DCLRE1B: variants seen among roughly 807,000 people sequenced by gnomAD.
The protein encoded by DCLRE1B is DNA cross-link repair 1B.
In DCLRE1B, 6 loss-of-function variants were observed where a neutral mutation model predicts 19.8. That is an observed-to-expected ratio of 0.30 (90% CI 0.17 to 0.60). The LOEUF is 0.60. Ranked by LOEUF, DCLRE1B falls within the 20% of genes least tolerant of loss-of-function variation. The probability of loss-of-function intolerance (pLI) is 0.87; values close to 1 mark genes in which losing one functional copy is unlikely to be tolerated. For missense variants in DCLRE1B, 622 were observed against 654.2 expected (o/e 0.95, Z 0.54); for synonymous variants, 258 against 255.7 (o/e 1.01, Z -0.09).
chr1:113,913,984 T>TATTTGTATATACTC lies in DCLRE1B; in HGVS notation c.*1794_*1795insTTTGTATATACTCA, dbSNP rs1669358666. 6.6e-6 allele frequency: 1 copy of TATTTGTATATACTC among 152,248 alleles called. No individual in the cohort carries two copies. Among genetic ancestry groups the TATTTGTATATACTC allele is most frequent in the Non-Finnish European group, 1.5e-5 (1 of 68,038 alleles). The allele number at this position is 152,248 out of a possible 1,614,324, so 9.4% of individuals were successfully genotyped here. On this transcript the variant is annotated 3_prime_UTR_variant, in exon 4 of 4. Transcript: ENST00000650450. ...AATGCCATTTTTAATATTTGTATAA[T>TATTTGTATATACTC]ACCCTATCATGTGAGTATACCTTAA...
Position 113,907,055 on chromosome 1 carries a change from T to C in DCLRE1B, c.249T>C (p.Asp83=), listed in dbSNP as rs1176251774. The C allele has an allele frequency of 1.2e-6, 2 of 1,613,912 alleles. No individual in the cohort carries two copies. ...EVGESHVLPL[D]EIGQETMTVT... ...GTGAGAGCCATGTATTACCCCTAGA[T>C]GAAATTGGACAAGAGACCATGACCG... Residue 83 remains aspartate, a synonymous_variant, in exon 2 of 4, where the codon GAT becomes GAC. Coordinates refer to ENST00000650450, the MANE Select transcript of DCLRE1B (RefSeq NM_022836.4).
At position 113,905,780 on chromosome 1, in the gene DCLRE1B, GGGGCTGGAGTCGGTCTCCGA is replaced by G; in HGVS notation, c.189+7_189+26del. 6.2e-7 allele frequency: 1 copy of G among 1,607,168 alleles called. No individual in the cohort carries two copies. The highest frequency in any genetic ancestry group is 8.5e-7 in the Non-Finnish European group (1 of 1,175,408). On this transcript the variant is annotated splice_donor_region_variant and intron_variant, in intron 1 of 3. Coordinates refer to ENST00000650450, the MANE Select transcript of DCLRE1B (RefSeq NM_022836.4). ...CTCTTGCATCGTCACCTACAGGTAT[GGGGCTGGAGTCGGTCTCCGA>G]GAGCTGGTCCAGGCATCTGGGTTGG...
intron 1 of DCLRE1B, among the ~76,000 whole-genome samples, chr1:113,906,205 C>T (rs770754061): frequency 2.0e-5 from 3 of 151,606 alleles, no homozygotes; most frequent in Non-Finnish European, 4.4e-5. Flanking sequence ...TACAGGCGCA[C>T]GCCACCACGC....
chr1:113,906,882 C>A, intron 1 of DCLRE1B, 114 bp from the exon 2 acceptor site: 1 of 1,164,004 alleles, frequency 8.6e-7, no homozygotes, highest in Non-Finnish European at 1.2e-6. Flanking sequence ...AGCTTCTGCT[C>A]CCGGTGGCTC....
intron 3 of DCLRE1B, 85 bp downstream of exon 3, chr1:113,908,276 G>A (rs990368510): frequency 1.6e-5 from 25 of 1,526,540 alleles, no homozygotes; most frequent in Non-Finnish European, 6.2e-6. Context: ...AGATCTTTGT[G>A]CAGTTCTCAC....
chr1:113,907,443 C>A lies in DCLRE1B; in HGVS notation c.355+282C>A, dbSNP rs183361339. ...TCATCACATATGAGCATAGTGACCC[C>A]ATCTCAACTGATTTCCCACTGTTTT... is the stretch of plus-strand genomic sequence containing the variant. On this transcript the variant is annotated intron_variant, in intron 2 of 3. Coordinates refer to ENST00000650450, the MANE Select transcript of DCLRE1B (RefSeq NM_022836.4). 4.3e-4 allele frequency among the ~76,000 whole-genome samples: 65 copies of A among 151,940 alleles called. 2 individuals are homozygous for A. Among genetic ancestry groups the A allele is most frequent in the Admixed American group, 4.0e-3 (61 of 15,266 alleles).
At chr1:113,907,963 A>C in intron 2 of DCLRE1B, 46 bp from the exon 3 acceptor site, 1 of 1,570,050 alleles carries the variant, frequency 6.4e-7, no homozygotes, top group South Asian at 1.2e-5. Flanking sequence ...CTTGTCTTCT[A>C]TTCTTTTGTC....
At chr1:113,904,667 C>A (rs751238041), upstream of DCLRE1B, 3 of 1,613,256 alleles carry the variant, frequency 1.9e-6, no homozygotes, top group Admixed American at 3.3e-5. Flanking sequence ...GAGGATTGCA[C>A]AGAGCCTTCT....
intron 1 of DCLRE1B, 121 bp downstream of exon 1, chr1:113,905,896 C>A: frequency 2.6e-6 from 3 of 1,157,190 alleles, no homozygotes; most frequent in Non-Finnish European, 1.2e-6. Flanking sequence ...TGTTTGAACC[C>A]AAAAATGCAT....
At chr1:113,908,409 A>G (rs1351086400) in intron 3 of DCLRE1B, among the ~76,000 whole-genome samples, 2 of 152,188 alleles carry the variant, frequency 1.3e-5, no homozygotes, top group East Asian at 3.9e-4. Context: ...GGCGTTTGAG[A>G]CCAGCTTGGG....
rs1490779180 is a variant in DCLRE1B at position 113,913,667 on chromosome 1, T to G, written c.*1476T>G. 2 of 152,714 alleles carry G rather than the reference T, an allele frequency of 1.3e-5. No individual in the cohort carries two copies. Among genetic ancestry groups the G allele is most frequent in the Non-Finnish European group, 2.9e-5 (2 of 68,032 alleles). The allele number at this position is 152,714 out of a possible 1,614,324, so 9.5% of individuals were successfully genotyped here. A position where few individuals can be genotyped will look rare whatever the true frequency, so the allele number is the denominator to read the frequency against. ...GAATAATTGGTAAAATTCTCCTAGC[T>G]CAGTGACTGCCACAGGATGGGTCTT... is the stretch of plus-strand genomic sequence containing the variant. On this transcript the variant is annotated 3_prime_UTR_variant, in exon 4 of 4. Coordinates refer to ENST00000650450, the MANE Select transcript of DCLRE1B (RefSeq NM_022836.4).
At chr1:113,909,621 C>T (rs1242200219) in intron 3 of DCLRE1B, among the ~76,000 whole-genome samples, 6 of 152,180 alleles carry the variant, frequency 3.9e-5, no homozygotes, top group Non-Finnish European at 8.8e-5. Context: ...TTATAAAGAC[C>T]TAACCATTCT....
In DCLRE1B at chr1:113,913,412, G is replaced by A. The variant is rs576212368; in HGVS notation, c.*1221G>A. On this transcript the variant is annotated 3_prime_UTR_variant, in exon 4 of 4. Transcript: ENST00000650450. ...GAAATAGAGAGTTTAGAAAGCAATT[G>A]CTCTTGGGAAAGCTATACACAGCTC... The A allele has an allele frequency of 2.7e-4, 41 of 152,852 alleles. No homozygotes were observed. The highest frequency in any genetic ancestry group is 9.9e-4 in the African/African-American group (41 of 41,550). 9.5% of individuals were successfully genotyped at this position (152,852 alleles called of 1,614,324 possible).
In DCLRE1B at chr1:113,911,275, G is replaced by A. The variant is rs770126449; in HGVS notation, c.683G>A (p.Arg228His). 18 of 1,613,974 alleles carry A rather than the reference G, an allele frequency of 1.1e-5. 1 individual carries two copies. Among genetic ancestry groups the A allele is most frequent in the Middle Eastern group, 1.6e-4 (1 of 6,084 alleles). ...TTCACAGTGGAGGAGAAGGCTGGCC[G>A]CATCCATGCAGTAGACCATATGGAG... ...DVFTVEEKAGRIHAVDHMEIC... is the reference protein window; with the variant it reads ...DVFTVEEKAGHIHAVDHMEIC... Residue 228 changes from arginine (R) to histidine (H), a missense_variant, in exon 4 of 4, where the codon CGC becomes CAC. By Grantham distance (29) the Arg-to-His change is conservative (BLOSUM62 0). This residue lies in a region of DCLRE1B where 382 missense variants were observed against 412.5 expected (regional missense o/e 0.93). Coordinates refer to ENST00000650450, the MANE Select transcript of DCLRE1B (RefSeq NM_022836.4).
At position 113,912,560 on chromosome 1, in the gene DCLRE1B, GTC is replaced by G. The variant is rs1669305691; in HGVS notation, c.*371_*372del. The G allele has an allele frequency of 6.0e-6, 1 of 167,960 alleles. No homozygotes were observed. The highest frequency in any genetic ancestry group is 1.3e-5 in the Non-Finnish European group (1 of 78,558). The allele number at this position is 167,960 out of a possible 1,614,324, so 10.4% of individuals were successfully genotyped here. A position where few individuals can be genotyped will look rare whatever the true frequency, so the allele number is the denominator to read the frequency against. The stretch of plus-strand genomic sequence containing the variant: ...ATGTGGGTACAGAAAGAGGTAAAGA[GTC>G]TGAATCAAAAAGGACCAGGTTATTG... On this transcript the variant is annotated 3_prime_UTR_variant, in exon 4 of 4. Coordinates refer to ENST00000650450, the MANE Select transcript of DCLRE1B (RefSeq NM_022836.4).
At chr1:113,908,733 A>C (rs1448769388) in intron 3 of DCLRE1B, among the ~76,000 whole-genome samples, 1 of 152,196 alleles carries the variant, frequency 6.6e-6, no homozygotes, top group Non-Finnish European at 1.5e-5. Flanking sequence ...TATACTATAT[A>C]TATTTTTAAA....
At position 113,907,204 on chromosome 1, in the gene DCLRE1B, GTTTTTTTTTTT is replaced by G. The variant is rs71090746; in HGVS notation, c.355+63_355+73del. Reference sequence around the variant, plus strand: ...TCCCAGTGACTTCTCCAGACTAGATGTTTTTTTTTTTTTTTTTTTTTTTTTTTTTTAATGTA... The same window carrying G: ...TCCCAGTGACTTCTCCAGACTAGATGTTTTTTTTTTTTTTTTTTTAATGTA... On this transcript the variant is annotated intron_variant, in intron 2 of 3. Coordinates refer to ENST00000650450, the MANE Select transcript of DCLRE1B (RefSeq NM_022836.4). The G allele has an allele frequency of 4.1e-4, 204 of 492,538 alleles. 3 individuals carry two copies. Among genetic ancestry groups the G allele is most frequent in the African/African-American group, 9.3e-4 (16 of 17,232 alleles). The allele number at this position is 492,538 out of a possible 1,614,324, so 30.5% of individuals were successfully genotyped here. A position where few individuals can be genotyped will look rare whatever the true frequency, so the allele number is the denominator to read the frequency against.
At position 113,911,341 on chromosome 1, in the gene DCLRE1B, C is replaced by G. The variant is rs1669245425; in HGVS notation, c.749C>G (p.Pro250Arg). 5 of 1,614,054 alleles carry G rather than the reference C, an allele frequency of 3.1e-6. No homozygotes were observed. Among genetic ancestry groups the G allele is most frequent in the Non-Finnish European group, 2.5e-6 (3 of 1,180,048 alleles). ...ATGCTGCGTTGGAACCAGACCCACCCTACGATTGCTATCCTTCCCACAAGC... is the reference window on the plus strand; with the variant it reads ...ATGCTGCGTTGGAACCAGACCCACCGTACGATTGCTATCCTTCCCACAAGC... ...SNMLRWNQTH[P>R]TIAILPTSRK... The change falls in exon 4 of 4, where the codon CCT becomes CGT. Residue 250 changes from proline to arginine, a missense_variant. Around this residue, in one of 3 missense-constraint regions of DCLRE1B, gnomAD observed 382 missense variants for 412.5 expected, o/e 0.93. Transcript: ENST00000650450.
rs1669265407 is a variant in DCLRE1B at position 113,911,642 on chromosome 1, A to G, written c.1050A>G (p.Gln350=). 1 of 1,604,944 alleles carries G rather than the reference A, an allele frequency of 6.2e-7. No individual in the cohort carries two copies. The highest frequency in any genetic ancestry group is 1.7e-5 in the Admixed American group (1 of 58,606). Residue 350 remains glutamine, a synonymous_variant, in exon 4 of 4, where the codon CAA becomes CAG. Coordinates refer to ENST00000650450, the MANE Select transcript of DCLRE1B (RefSeq NM_022836.4). Reference sequence around the variant, plus strand: ...GGAGGCTAAAGAGGCCGAGAACCCAAGGTGTTGTGTTTGAATCCCCTGAGG... The same window carrying G: ...GGAGGCTAAAGAGGCCGAGAACCCAGGGTGTTGTGTTTGAATCCCCTGAGG... ...LERRLKRPRT[Q]GVVFESPEES... is the part of the protein sequence containing the mutation.
Sources: gnomAD v4.1 joint callset for allele counts (sites outside exome capture counted in the v4.1 genomes callset) on GRCh38, gnomAD v4.1.1 for gene constraint, gnomAD v4.1.1 regional missense constraint, MANE v1.5 for transcripts, NCBI Gene and HGNC (gene_info 2026-07-23, HGNC 2026-07-21) for gene names.